The following PIGK variants were observed in gnomAD, a reference collection of about 807,000 sequenced individuals.
The protein encoded by PIGK is GPI-anchor transamidase.
In PIGK, 42 loss-of-function variants were observed where a neutral mutation model predicts 50.6. That is an observed-to-expected ratio of 0.83 (90% CI 0.65 to 1.07). PIGK has a LOEUF of 1.07. Among genes scored for constraint, PIGK ranks in the 50% least tolerant of loss-of-function variants. The pLI is 0.00. For synonymous variants in PIGK, 151 were observed against 156.0 expected (o/e 0.97, Z 0.24); for missense variants, 448 against 488.7 (o/e 0.92, Z 0.78).
intron 3 of PIGK, among the ~76,000 whole-genome samples, chr1:77,201,149 G>T (rs1440152651): frequency 6.6e-6 from 1 of 152,108 alleles, no homozygotes; most frequent in Non-Finnish European, 1.5e-5. Flanking sequence ...TGATCAACAT[G>T]ATTTAAAAAA....
intron 6 of PIGK, among the ~76,000 whole-genome samples, chr1:77,162,561 G>T (rs988396469): frequency 3.9e-5 from 6 of 152,084 alleles, no homozygotes; most frequent in Non-Finnish European, 1.5e-5. Flanking sequence ...AAAGGTTTTT[G>T]TTTTTGTTGT....
Position 77,210,459 on chromosome 1 carries a change from G to T in PIGK, c.124C>A (p.His42Asn). ...ACCAGAACAGCCCAGTTGTTTGTAT[G>T]GCCACTTCTAAAGAATTGTTCTGCT... ...DQAEQFFRSG[H>N]TNNWAVLVCT... The change falls in exon 2 of 11, where the codon CAT becomes AAT. Residue 42 changes from histidine to asparagine, a missense_variant. Physicochemically the swap from His to Asn is moderately conservative, Grantham distance 68. Coordinates refer to ENST00000370812, the MANE Select transcript of PIGK (RefSeq NM_005482.3). The T allele has an allele frequency of 6.3e-7, 1 of 1,594,336 alleles. No homozygotes were observed. The highest frequency in any genetic ancestry group is 8.6e-7 in the Non-Finnish European group (1 of 1,167,562).
At chr1:77,196,413 T>C (rs987934986) in intron 3 of PIGK, among the ~76,000 whole-genome samples, 6 of 152,308 alleles carry the variant, frequency 3.9e-5, no homozygotes, top group Middle Eastern at 3.4e-3. Context: ...CTTTCCACCG[T>C]AACTGAACTA....
chr1:77,123,654 T>C (rs578092445), intron 9 of PIGK, among the ~76,000 whole-genome samples: 6 of 151,958 alleles, frequency 3.9e-5, no homozygotes, highest in African/African-American at 1.4e-4. Flanking sequence ...TGGGGAGTAA[T>C]TGTTTAACAG....
At chr1:77,166,152 A>G (rs774147839) in intron 5 of PIGK, among the ~76,000 whole-genome samples, 26 of 152,204 alleles carry the variant, frequency 1.7e-4, no homozygotes, top group Non-Finnish European at 2.8e-4. Flanking sequence ...TGTAATACAT[A>G]TGATAACTAT....
chr1:77,189,154 A>C (rs766772982), intron 3 of PIGK, among the ~76,000 whole-genome samples: 1 of 152,226 alleles, frequency 6.6e-6, no homozygotes, highest in Non-Finnish European at 1.5e-5. Context: ...ACTTTATACA[A>C]CAGTACATTT....
rs763534667 is a variant in PIGK, at chr1:77,207,989, A to G, written c.148-1258T>C. On this transcript the variant is annotated intron_variant, in intron 2 of 10. Transcript: ENST00000370812. ...ATAATCCTAGCAGTTTGGGAGGCCAAGATGGAAGGATCACTTGAGGTTAGG... is the reference window on the plus strand; with the variant it reads ...ATAATCCTAGCAGTTTGGGAGGCCAGGATGGAAGGATCACTTGAGGTTAGG... Among the ~76,000 whole-genome samples, 64 of 152,326 alleles carry G rather than the reference A, an allele frequency of 4.2e-4. 2 individuals carry two copies. The highest frequency in any genetic ancestry group is 4.1e-4 in the South Asian group (2 of 4,830).
intron 2 of PIGK, among the ~76,000 whole-genome samples, chr1:77,206,978 C>T (rs1284582146): frequency 1.3e-5 from 2 of 152,076 alleles, no homozygotes; most frequent in Non-Finnish European, 2.9e-5. Flanking sequence ...ACCAGCCTGG[C>T]CAACATGGCA....
intron 1 of PIGK, among the ~76,000 whole-genome samples, chr1:77,216,280 C>A (rs1656563733): frequency 6.6e-6 from 1 of 152,028 alleles, no homozygotes; most frequent in Non-Finnish European, 1.5e-5. Flanking sequence ...AAAGAGAATA[C>A]AACATTGGTC....
Position 77,195,033 on chromosome 1 carries a change from C to G in PIGK, c.239+11607G>C, listed in dbSNP as rs1338996675. ...CCACCAAGCTCCTGCAGAAGAATAA[C>G]CTGAATCTGCTCAGAGACCTGGCTG... is the stretch of plus-strand genomic sequence containing the variant. On this transcript the variant is annotated intron_variant, in intron 3 of 10. Coordinates refer to ENST00000370812, the MANE Select transcript of PIGK (RefSeq NM_005482.3). 6.1e-6 allele frequency: 5 copies of G among 819,376 alleles called. No individual in the cohort carries two copies. In the Admixed American group the frequency reaches 7.2e-5, roughly 12 times the overall value. The allele number at this position is 819,376 out of a possible 1,614,324, so 50.8% of individuals were successfully genotyped here.
intron 1 of PIGK, among the ~76,000 whole-genome samples, chr1:77,212,561 A>C (rs1282094272): frequency 6.6e-6 from 1 of 152,224 alleles, no homozygotes; most frequent in African/African-American, 2.4e-5. Context: ...TATGCTGCCT[A>C]CAAGAAACTC....
chr1:77,211,183 T>G (rs1238418833), intron 1 of PIGK, among the ~76,000 whole-genome samples: 1 of 152,056 alleles, frequency 6.6e-6, no homozygotes, highest in African/African-American at 2.4e-5. Flanking sequence ...TAAGCTTCAG[T>G]AAGGCAGGGG....
intron 3 of PIGK, among the ~76,000 whole-genome samples, chr1:77,198,232 G>A (rs1342409928): frequency 6.6e-6 from 1 of 151,866 alleles, no homozygotes; most frequent in Non-Finnish European, 1.5e-5. Flanking sequence ...TTACACTGAT[G>A]AATTTGGCAA....
At chr1:77,150,382 G>A (rs1654868781) in intron 9 of PIGK, among the ~76,000 whole-genome samples, 1 of 151,560 alleles carries the variant, frequency 6.6e-6, no homozygotes, top group African/African-American at 2.4e-5. Flanking sequence ...TTAGCCTGGT[G>A]TGGTGGTGCA....
At chr1:77,103,481 C>T (rs938843654) in intron 10 of PIGK, among the ~76,000 whole-genome samples, 1 of 152,114 alleles carries the variant, frequency 6.6e-6, no homozygotes, top group Non-Finnish European at 1.5e-5. Flanking sequence ...ATTATCTGCC[C>T]ATCTTGAACA....
chr1:77,093,557 A>G (rs1377011562), intron 10 of PIGK, among the ~76,000 whole-genome samples: 1 of 152,178 alleles, frequency 6.6e-6, no homozygotes, highest in Non-Finnish European at 1.5e-5. Context: ...AAAGGAAAGA[A>G]AGCTACCTCA....
intron 9 of PIGK, among the ~76,000 whole-genome samples, chr1:77,144,829 G>A (rs567794094): frequency 1.3e-5 from 2 of 151,802 alleles, no homozygotes; most frequent in East Asian, 1.9e-4. Flanking sequence ...TAAATTAAAC[G>A]AATCACATCT....
intron 10 of PIGK, 48 bp downstream of exon 10, chr1:77,122,227 G>A (rs1468241094): frequency 4.3e-5 from 51 of 1,194,606 alleles, no homozygotes; most frequent in Non-Finnish European, 5.9e-5. Context: ...TTACTTCTCA[G>A]CGATTAAAAA....
rs182496611 is a variant in PIGK, at chr1:77,186,068, G to A, written c.240-16673C>T. 2.8e-3 allele frequency among the ~76,000 whole-genome samples: 433 copies of A among 152,302 alleles called. 1 individual carries two copies. Among genetic ancestry groups the A allele is most frequent in the African/African-American group, 9.3e-3 (388 of 41,566 alleles). On this transcript the variant is annotated intron_variant, in intron 3 of 10. Transcript: ENST00000370812. ...ATCATCAAATGGAAGTGGCATATAC[G>A]TGATCAGGCTTGACCAGGTCCTGAA...
Sources: gnomAD v4.1 joint callset for allele counts (sites outside exome capture counted in the v4.1 genomes callset) on GRCh38, gnomAD v4.1.1 for gene constraint, MANE v1.5 for transcripts, NCBI Gene and HGNC (gene_info 2026-07-23, HGNC 2026-07-21) for gene names.